Variants in ZNRF1 observed in about 807,000 individuals in gnomAD.
ZNRF1 encodes E3 ubiquitin-protein ligase ZNRF1.
Under a neutral mutation model 18.4 loss-of-function variants are expected in ZNRF1, and 3 were observed. The ratio of observed to expected loss-of-function variants is 0.16; its 90% CI spans 0.07 to 0.42. The LOEUF is 0.42. ZNRF1 is among the 10% of genes least tolerant of loss of function. The probability of loss-of-function intolerance (pLI) is 0.99; values close to 1 mark genes in which losing one functional copy is unlikely to be tolerated. For synonymous variants in ZNRF1, 157 were observed against 144.2 expected (o/e 1.09, Z -0.64); for missense variants, 310 against 329.8 (o/e 0.94, Z 0.47).
intron 1 of ZNRF1, among the ~76,000 whole-genome samples, chr16:75,034,951 A>G (rs946632500): frequency 2.6e-5 from 4 of 151,984 alleles, no homozygotes; most frequent in Admixed American, 1.3e-4. Flanking sequence ...CTGGATACAT[A>G]TACCCAGAAG....
chr16:75,077,473 G>A (rs1188648538), intron 1 of ZNRF1, among the ~76,000 whole-genome samples: 7 of 152,134 alleles, frequency 4.6e-5, no homozygotes, highest in Admixed American at 6.5e-5. Flanking sequence ...CAGAGGTTGC[G>A]GTGAGCCAAG....
At chr16:75,093,429 G>A in intron 1 of ZNRF1, 143 bp from the exon 2 acceptor site, 1 of 572,982 alleles carries the variant, frequency 1.7e-6, no homozygotes, top group South Asian at 2.4e-5. Flanking sequence ...AGTCCTTGAA[G>A]GAGGACAGGT....
chr16:75,022,080 C>A (rs181044835), intron 1 of ZNRF1, among the ~76,000 whole-genome samples: 1 of 152,098 alleles, frequency 6.6e-6, no homozygotes, highest in East Asian at 1.9e-4. Flanking sequence ...TCCATCCATC[C>A]GTCTCGCTCT....
intron 1 of ZNRF1, among the ~76,000 whole-genome samples, chr16:75,025,996 C>T (rs906740782): frequency 6.6e-6 from 1 of 152,118 alleles, no homozygotes; most frequent in Non-Finnish European, 1.5e-5. Flanking sequence ...GTTAAATAGG[C>T]AGCATGCTGG....
At chr16:75,035,831 T>G (rs1320434638) in intron 1 of ZNRF1, among the ~76,000 whole-genome samples, 1 of 152,190 alleles carries the variant, frequency 6.6e-6, no homozygotes, top group Admixed American at 6.5e-5. Context: ...AGGCATTCCT[T>G]TACCAGCTAA....
At chr16:75,030,764 A>T (rs1425230136) in intron 1 of ZNRF1, among the ~76,000 whole-genome samples, 2 of 151,532 alleles carry the variant, frequency 1.3e-5, no homozygotes, top group Non-Finnish European at 2.9e-5. Flanking sequence ...AGCTTTTAGC[A>T]TCTGGTTTCT....
At chr16:75,085,603 A>G (rs1224613170) in intron 1 of ZNRF1, among the ~76,000 whole-genome samples, 1 of 152,200 alleles carries the variant, frequency 6.6e-6, no homozygotes, top group Non-Finnish European at 1.5e-5. Flanking sequence ...ATAAGAAACT[A>G]CCAGACCTTT....
intron 1 of ZNRF1, among the ~76,000 whole-genome samples, chr16:75,045,820 A>G (rs565372263): frequency 6.7e-6 from 1 of 149,314 alleles, no homozygotes; most frequent in Non-Finnish European, 1.5e-5. Flanking sequence ...GGCTCAAGTG[A>G]TCCTCCCACC....
chr16:75,080,263 C>T (rs891807703), intron 1 of ZNRF1, among the ~76,000 whole-genome samples: 2 of 152,204 alleles, frequency 1.3e-5, no homozygotes, highest in Non-Finnish European at 2.9e-5. Context: ...CATTCTGCAT[C>T]CCAGGATTAT....
At chr16:75,076,409 C>T (rs752359608) in intron 1 of ZNRF1, among the ~76,000 whole-genome samples, 4 of 152,030 alleles carry the variant, frequency 2.6e-5, no homozygotes, top group Non-Finnish European at 5.9e-5. Flanking sequence ...ACAGCCACTT[C>T]GGGATGTGAA....
intron 1 of ZNRF1, among the ~76,000 whole-genome samples, chr16:75,027,695 G>A (rs1037620711): frequency 6.6e-6 from 1 of 151,984 alleles, no homozygotes; most frequent in Non-Finnish European, 1.5e-5. Context: ...TGTCACACTT[G>A]CTTGGCTAAA....
chr16:75,084,018 T>G (rs2036045791), intron 1 of ZNRF1, among the ~76,000 whole-genome samples: 1 of 152,216 alleles, frequency 6.6e-6, no homozygotes, highest in Non-Finnish European at 1.5e-5. Flanking sequence ...GGTCAAGAGG[T>G]GGGACTCTGC....
At chr16:75,082,155 T>TA (rs1346533166) in intron 1 of ZNRF1, among the ~76,000 whole-genome samples, 1 of 151,732 alleles carries the variant, frequency 6.6e-6, no homozygotes, top group Admixed American at 6.6e-5. Flanking sequence ...GTGTTGGAAT[T>TA]ACAAGTGTGA....
intron 1 of ZNRF1, among the ~76,000 whole-genome samples, chr16:75,077,188 C>A (rs539185774): frequency 1.3e-5 from 2 of 152,264 alleles, no homozygotes; most frequent in South Asian, 4.1e-4. Flanking sequence ...GTCAGGAGAT[C>A]GAGACCGTCC....
intron 2 of ZNRF1, among the ~76,000 whole-genome samples, chr16:75,100,735 A>C (rs1306962998): frequency 1.3e-5 from 2 of 152,204 alleles, no homozygotes; most frequent in African/African-American, 4.8e-5. Flanking sequence ...GAGGGGAAGG[A>C]ATGCTTTAGA....
intron 1 of ZNRF1, among the ~76,000 whole-genome samples, chr16:75,042,736 T>G (rs1474164350): frequency 1.3e-5 from 2 of 152,212 alleles, no homozygotes; most frequent in Admixed American, 1.3e-4. Context: ...TGCATTTCCA[T>G]GTACGTTTTA....
chr16:75,079,353 GC>G (rs1406870567), intron 1 of ZNRF1, among the ~76,000 whole-genome samples: 11 of 152,174 alleles, frequency 7.2e-5, no homozygotes, highest in Non-Finnish European at 2.9e-5. Flanking sequence ...GGTGGCACAC[GC>G]CTATAGTCCC....
chr16:75,014,743 C>T (rs994236021), intron 1 of ZNRF1, among the ~76,000 whole-genome samples: 1 of 152,030 alleles, frequency 6.6e-6, no homozygotes, highest in Non-Finnish European at 1.5e-5. Flanking sequence ...TGTGCTTATA[C>T]CAGTTTACAC....
chr16:75,036,518 A>C (rs1035494005), intron 1 of ZNRF1, among the ~76,000 whole-genome samples: 3 of 151,874 alleles, frequency 2.0e-5, no homozygotes, highest in African/African-American at 7.3e-5. Flanking sequence ...AATTGAATTT[A>C]AATTAATTAT....
Sources: gnomAD v4.1 joint callset for allele counts (sites outside exome capture counted in the v4.1 genomes callset) on GRCh38, gnomAD v4.1.1 for gene constraint, MANE v1.5 for transcripts, NCBI Gene and HGNC (gene_info 2026-07-23, HGNC 2026-07-21) for gene names.